Variants in TOX3 observed in about 807,000 individuals in gnomAD.
TOX3 encodes CAG trinucleotide repeat-containing gene F9 protein.
Under a neutral mutation model 64.3 loss-of-function variants are expected in TOX3, and 22 were observed. That is an observed-to-expected ratio of 0.34 (90% CI 0.24 to 0.49). The LOEUF (loss-of-function observed/expected upper bound fraction) is 0.49. Ranked by LOEUF, TOX3 falls within the 20% of genes least tolerant of loss-of-function variation. The pLI is 0.99. For missense variants in TOX3, 661 were observed against 714.4 expected (o/e 0.93, Z 0.85); for synonymous variants, 291 against 273.6 (o/e 1.06, Z -0.63).
Position 52,450,405 on chromosome 16 carries a change from C to G in TOX3, c.550G>C (p.Ala184Pro). 1 of 1,613,948 alleles carries G rather than the reference C, an allele frequency of 6.2e-7. No individual in the cohort carries two copies. Among genetic ancestry groups the G allele is most frequent in the Non-Finnish European group, 8.5e-7 (1 of 1,179,884 alleles). ...CCTCCCAAATTCAACCCCAACTGGGCGCTGAGCTGAGACTGGTTGATGGTG... is the reference window on the plus strand; with the variant it reads ...CCTCCCAAATTCAACCCCAACTGGGGGCTGAGCTGAGACTGGTTGATGGTG... ...LTTINQSQLS[A>P]QLGLNLGGAS... The change falls in exon 4 of 7, where the codon GCC becomes CCC. Residue 184 changes from alanine to proline, a missense_variant. Around this residue, in one of 3 missense-constraint regions of TOX3, gnomAD observed 259 missense variants for 261.2 expected, o/e 0.99. Transcript: ENST00000219746.
rs528553873 is a variant in TOX3, at chr16:52,513,696, G to A, written c.87+32941C>T. On this transcript the variant is annotated intron_variant, in intron 1 of 6. Coordinates refer to ENST00000219746, the MANE Select transcript of TOX3 (RefSeq NM_001080430.4). ...AGCAGAGTGACTTACAATTGAGATA[G>A]GCCAATCTAAAACTGAAAAGTCTAA... 5.9e-5 allele frequency among the ~76,000 whole-genome samples: 9 copies of A among 152,228 alleles called. No homozygotes were observed. The East Asian group carries it at 1.7e-3, about 29-fold the overall frequency.
At chr16:52,517,444 T>C (rs1310135490) in intron 1 of TOX3, among the ~76,000 whole-genome samples, 1 of 152,048 alleles carries the variant, frequency 6.6e-6, no homozygotes, top group African/African-American at 2.4e-5. Context: ...TGGGGCAAAG[T>C]ATTCTCTTGT....
intron 1 of TOX3, among the ~76,000 whole-genome samples, chr16:52,530,107 A>G (rs1353714579): frequency 6.6e-6 from 1 of 152,210 alleles, no homozygotes; most frequent in Admixed American, 6.5e-5. Flanking sequence ...CTTCCAACAG[A>G]TTTTATTAAC....
chr16:52,507,515 T>C (rs913582110), intron 1 of TOX3, among the ~76,000 whole-genome samples: 12 of 152,254 alleles, frequency 7.9e-5, no homozygotes, highest in African/African-American at 2.7e-4. Flanking sequence ...CAGGAGTGCT[T>C]CTGTGATTAC....
chr16:52,461,992 A>AT (rs1191075842), intron 3 of TOX3, among the ~76,000 whole-genome samples: 1 of 151,994 alleles, frequency 6.6e-6, no homozygotes, highest in Non-Finnish European at 1.5e-5. Flanking sequence ...AGTACATTTT[A>AT]TTTTTTTCCA....
chr16:52,519,684 G>A (rs771560767), intron 1 of TOX3: 23 of 1,096,880 alleles, frequency 2.1e-5, no homozygotes, highest in East Asian at 8.7e-5. Context: ...TGGGCTGGGC[G>A]CAGTCGCTCA....
At chr16:52,455,356 T>C (rs1960483508) in intron 3 of TOX3, among the ~76,000 whole-genome samples, 1 of 152,100 alleles carries the variant, frequency 6.6e-6, no homozygotes, top group African/African-American at 2.4e-5. Flanking sequence ...CTCTACCCAC[T>C]AGATACCAGT....
At chr16:52,509,592 T>G (rs891844482) in intron 1 of TOX3, among the ~76,000 whole-genome samples, 1 of 152,234 alleles carries the variant, frequency 6.6e-6, no homozygotes, top group Non-Finnish European at 1.5e-5. Context: ...TTCTTTCAAA[T>G]ATTTTACCTA....
At chr16:52,466,546 AT>A (rs1960868401) in intron 2 of TOX3, among the ~76,000 whole-genome samples, 1 of 152,196 alleles carries the variant, frequency 6.6e-6, no homozygotes, top group Non-Finnish European at 1.5e-5. Flanking sequence ...CTTGGGCTTT[AT>A]TTTTTGTTCA....
At chr16:52,465,139 C>T (rs1367653590) in intron 2 of TOX3, among the ~76,000 whole-genome samples, 2 of 150,168 alleles carry the variant, frequency 1.3e-5, no homozygotes, top group East Asian at 2.0e-4. Context: ...CTCAGCCTCT[C>T]GAGTAGCTGG....
Position 52,464,082 on chromosome 16 carries a change from G to A in TOX3, c.260C>T (p.Pro87Leu). The A allele has an allele frequency of 6.2e-7, 1 of 1,604,916 alleles. No individual in the cohort carries two copies. Among genetic ancestry groups the A allele is most frequent in the Non-Finnish European group, 8.5e-7 (1 of 1,176,030 alleles). ...CAATGGATCGCTGAGGGCTTGAAAG[G>A]GTAGCAGTACATCCGGCATGCCTAG... ...PALGMPDVLLPFQALSDPLPS... is the reference protein window; with the variant it reads ...PALGMPDVLLLFQALSDPLPS... The change falls in exon 3 of 7, where the codon CCC becomes CTC. Residue 87 changes from proline to leucine, a missense_variant. Coordinates refer to ENST00000219746, the MANE Select transcript of TOX3 (RefSeq NM_001080430.4).
intron 1 of TOX3, among the ~76,000 whole-genome samples, chr16:52,510,780 AG>A (rs1426620441): frequency 2.9e-5 from 4 of 139,074 alleles, no homozygotes; most frequent in Non-Finnish European, 6.3e-5. Flanking sequence ...AAAAAAAAAA[AG>A]AAGAAGAAGA....
intron 1 of TOX3, among the ~76,000 whole-genome samples, chr16:52,471,962 C>T (rs1380918976): frequency 6.6e-6 from 1 of 152,186 alleles, no homozygotes; most frequent in Admixed American, 6.5e-5. Flanking sequence ...ATTCCGGTAT[C>T]TGCAAAAGCT....
chr16:52,539,450 A>G (rs1049281521), intron 1 of TOX3, among the ~76,000 whole-genome samples: 4 of 152,214 alleles, frequency 2.6e-5, no homozygotes, highest in Admixed American at 2.6e-4. Context: ...TTCCTTGTTT[A>G]TGTCATTGTT....
At chr16:52,449,757 A>G (rs1960277621) in intron 4 of TOX3, among the ~76,000 whole-genome samples, 1 of 152,254 alleles carries the variant, frequency 6.6e-6, no homozygotes, top group Admixed American at 6.5e-5. Context: ...CACAGTTTTT[A>G]TTTCAAACTT....
intron 1 of TOX3, among the ~76,000 whole-genome samples, chr16:52,531,295 C>T (rs1270589218): frequency 6.6e-6 from 1 of 152,148 alleles, no homozygotes; most frequent in African/African-American, 2.4e-5. Context: ...GTTTGTGGTG[C>T]TGATCTATTA....
chr16:52,515,617 C>G (rs1462975650), intron 1 of TOX3, among the ~76,000 whole-genome samples: 1 of 152,146 alleles, frequency 6.6e-6, no homozygotes, highest in Non-Finnish European at 1.5e-5. Flanking sequence ...CAGGTGCAAA[C>G]AAAAGTTCTG....
At chr16:52,531,001 G>C (rs1962841866) in intron 1 of TOX3, among the ~76,000 whole-genome samples, 1 of 152,138 alleles carries the variant, frequency 6.6e-6, no homozygotes, top group African/African-American at 2.4e-5. Flanking sequence ...AAGCTGTATA[G>C]TCAAAACTAC....
intron 1 of TOX3, among the ~76,000 whole-genome samples, chr16:52,536,316 T>A (rs959327670): frequency 1.3e-5 from 2 of 151,956 alleles, no homozygotes; most frequent in African/African-American, 4.8e-5. Flanking sequence ...GAGATTTTTT[T>A]AATGGTCAGG....
Sources: gnomAD v4.1 joint callset for allele counts (sites outside exome capture counted in the v4.1 genomes callset) on GRCh38, gnomAD v4.1.1 for gene constraint, gnomAD v4.1.1 regional missense constraint, MANE v1.5 for transcripts, NCBI Gene and HGNC (gene_info 2026-07-23, HGNC 2026-07-21) for gene names.